TSPAN18: variants seen among roughly 807,000 people sequenced by gnomAD.
TSPAN18 encodes the protein tetraspanin 18.
TSPAN18 carries 14 observed loss-of-function variants against 27.3 expected under a neutral mutation model. The ratio of observed to expected loss-of-function variants is 0.51; its 90% CI spans 0.34 to 0.80. TSPAN18 has a LOEUF of 0.80. TSPAN18 is among the 30% of genes least tolerant of loss of function. TSPAN18 has a pLI of 0.01. For missense variants in TSPAN18, 268 were observed against 323.9 expected (o/e 0.83, Z 1.32); for synonymous variants, 143 against 136.5 (o/e 1.05, Z -0.33).
At chr11:44,845,419 T>A (rs963286916) in intron 2 of TSPAN18, among the ~76,000 whole-genome samples, 2 of 152,226 alleles carry the variant, frequency 1.3e-5, no homozygotes, top group Admixed American at 1.3e-4. Flanking sequence ...AGTTTTGACA[T>A]GGTGTGTATA....
chr11:44,843,076 C>A (rs1857406679), intron 2 of TSPAN18, among the ~76,000 whole-genome samples: 1 of 152,176 alleles, frequency 6.6e-6, no homozygotes, highest in South Asian at 2.1e-4. Context: ...TTTTATGATC[C>A]TTCCATATAT....
At chr11:44,744,965 T>C (rs1055587008) in intron 1 of TSPAN18, among the ~76,000 whole-genome samples, 2 of 152,066 alleles carry the variant, frequency 1.3e-5, no homozygotes, top group Admixed American at 1.3e-4. Context: ...AGATCAATTA[T>C]TGACGTCTGT....
At chr11:44,908,770 AG>A (rs1294328361) in intron 4 of TSPAN18, among the ~76,000 whole-genome samples, 30 of 19,456 alleles carry the variant, frequency 1.5e-3, no homozygotes, top group African/African-American at 6.0e-3. Context: ...GAGAGAAAGG[AG>A]AAAGAAAGAA....
chr11:44,926,504 G>C (rs1164157563), intron 8 of TSPAN18, 170 bp from the exon 9 acceptor site: 9 of 656,102 alleles, frequency 1.4e-5, no homozygotes, highest in Middle Eastern at 6.6e-4. Context: ...CCAAGTCGCT[G>C]TTTCTGGGTC....
rs1554938043 is a variant in TSPAN18 at position 44,908,769 on chromosome 11, G to GAAAGAAA, written c.64-935_64-934insAAGAAAA. Among the ~76,000 whole-genome samples the GAAAGAAA allele has an allele frequency of 2.7e-3, 190 of 71,678 alleles. 14 individuals are homozygous for GAAAGAAA. Among genetic ancestry groups the GAAAGAAA allele is most frequent in the African/African-American group, 0.012 (183 of 15,036 alleles). 47.0% of individuals were successfully genotyped at this position (71,678 alleles called of 152,430 possible). On this transcript the variant is annotated intron_variant, in intron 4 of 9. Transcript: ENST00000520358. ...AAGAGAGAGAGAGAGAGAGAGAAAG[G>GAAAGAAA]AGAAAGAAAGAAAGAAAGAAAGAAA... is the stretch of plus-strand genomic sequence containing the variant.
At chr11:44,727,577 G>C (rs1271697502) in intron 1 of TSPAN18, among the ~76,000 whole-genome samples, 1 of 152,084 alleles carries the variant, frequency 6.6e-6, no homozygotes, top group African/African-American at 2.4e-5. Context: ...TCCGGGTGGA[G>C]GAGTGGGGGC....
chr11:44,739,680 T>C (rs2134817935), intron 1 of TSPAN18, among the ~76,000 whole-genome samples: 1 of 152,068 alleles, frequency 6.6e-6, no homozygotes, highest in Middle Eastern at 3.4e-3. Context: ...TAGGAAAAAA[T>C]AAAGAGTAAC....
intron 3 of TSPAN18, among the ~76,000 whole-genome samples, chr11:44,876,553 G>C (rs1858338347): frequency 6.6e-6 from 1 of 152,184 alleles, no homozygotes; most frequent in African/African-American, 2.4e-5. Context: ...AGTGTGAGAA[G>C]GAGTTTTCCA....
chr11:44,848,306 T>C (rs1857526326), intron 2 of TSPAN18, among the ~76,000 whole-genome samples: 1 of 152,208 alleles, frequency 6.6e-6, no homozygotes, highest in African/African-American at 2.4e-5. Context: ...AGTGAGCAGA[T>C]GGCTGGTACC....
At chr11:44,894,535 C>T (rs533315571) in intron 3 of TSPAN18, among the ~76,000 whole-genome samples, 1 of 152,368 alleles carries the variant, frequency 6.6e-6, no homozygotes, top group South Asian at 2.1e-4. Context: ...TCAGAGAGCC[C>T]CTCCTGGGCC....
intron 3 of TSPAN18, among the ~76,000 whole-genome samples, chr11:44,868,192 G>T (rs1407934469): frequency 6.6e-6 from 1 of 152,200 alleles, no homozygotes; most frequent in Non-Finnish European, 1.5e-5. Context: ...GCAGTTGGAG[G>T]CTGGAACCCA....
At chr11:44,890,227 A>AT (rs1388009889) in intron 3 of TSPAN18, among the ~76,000 whole-genome samples, 3 of 152,228 alleles carry the variant, frequency 2.0e-5, no homozygotes, top group African/African-American at 4.8e-5. Flanking sequence ...CGAAGTTCTC[A>AT]TTCTGGGGTC....
chr11:44,760,818 A>G (rs933310733), intron 1 of TSPAN18, among the ~76,000 whole-genome samples: 2 of 152,188 alleles, frequency 1.3e-5, no homozygotes, highest in South Asian at 2.1e-4. Context: ...TAACATCTTA[A>G]TGTCTCTAAA....
chr11:44,774,154 G>A (rs774235483), intron 2 of TSPAN18, among the ~76,000 whole-genome samples: 8 of 152,206 alleles, frequency 5.3e-5, no homozygotes, highest in Non-Finnish European at 1.0e-4. Flanking sequence ...CAGTAGGAAA[G>A]GTCCCTTTGG....
At chr11:44,891,236 T>C (rs1858840503) in intron 3 of TSPAN18, among the ~76,000 whole-genome samples, 2 of 152,276 alleles carry the variant, frequency 1.3e-5, no homozygotes, top group Non-Finnish European at 1.5e-5. Context: ...TTATGTATTA[T>C]ATTTAGGTGG....
At chr11:44,886,929 T>C (rs1858675674) in intron 3 of TSPAN18, among the ~76,000 whole-genome samples, 1 of 152,200 alleles carries the variant, frequency 6.6e-6, no homozygotes, top group African/African-American at 2.4e-5. Context: ...TGTGTGGGTT[T>C]GTTTGCACGT....
At chr11:44,894,619 C>T (rs957655823) in intron 3 of TSPAN18, among the ~76,000 whole-genome samples, 8 of 152,346 alleles carry the variant, frequency 5.3e-5, no homozygotes, top group Middle Eastern at 6.8e-3. Flanking sequence ...CTGTCTGGCC[C>T]GGGCAGGGGT....
intron 2 of TSPAN18, among the ~76,000 whole-genome samples, chr11:44,790,424 CAT>C (rs1856180375): frequency 1.5e-5 from 2 of 134,270 alleles, no homozygotes; most frequent in South Asian, 2.4e-4. Flanking sequence ...CATGTGTGTG[CAT>C]GTGTGTGTAC....
intron 2 of TSPAN18, among the ~76,000 whole-genome samples, chr11:44,797,125 C>T (rs12277897): frequency 0.054 from 8,275 of 152,150 alleles, 275 homozygotes; most frequent in African/African-American, 0.098. Context: ...ACAAGAAATC[C>T]GTAGTAACAA....
Sources: allele counts gnomAD v4.1 joint callset (sites outside exome capture counted in the v4.1 genomes callset), GRCh38; gene constraint gnomAD v4.1.1; transcripts MANE v1.5; gene names NCBI Gene and HGNC (gene_info 2026-07-23, HGNC 2026-07-21).